ZC3HAV1: variants seen among roughly 807,000 people sequenced by gnomAD.
ZC3HAV1 encodes the protein zinc finger CCCH-type antiviral protein 1.
ZC3HAV1 carries 41 observed loss-of-function variants against 86.6 expected under a neutral mutation model. The ratio of observed to expected loss-of-function variants is 0.47; its 90% CI spans 0.37 to 0.61. The LOEUF (loss-of-function observed/expected upper bound fraction) is 0.61, where lower values mean the gene tolerates loss of function less well. Among genes scored for constraint, ZC3HAV1 ranks in the 20% least tolerant of loss-of-function variants. ZC3HAV1 has a pLI of 0.00. For synonymous variants in ZC3HAV1, 421 were observed against 432.1 expected (o/e 0.97, Z 0.32); for missense variants, 964 against 1,141.1 (o/e 0.84, Z 2.24).
At chr7:139,104,217 C>A (rs1281752045) in intron 1 of ZC3HAV1, among the ~76,000 whole-genome samples, 9 of 151,902 alleles carry the variant, frequency 5.9e-5, no homozygotes, top group African/African-American at 2.2e-4. Flanking sequence ...TCTACCCACC[C>A]CCACCCAAAA....
At chr7:139,081,605 C>T (rs1415312797) in intron 3 of ZC3HAV1, among the ~76,000 whole-genome samples, 2 of 152,134 alleles carry the variant, frequency 1.3e-5, no homozygotes, top group African/African-American at 2.4e-5. Context: ...AAAATGTTAC[C>T]TTTTATTTCT....
Position 139,079,488 on chromosome 7 carries a change from T to C in ZC3HAV1, c.1453A>G (p.Arg485Gly), listed in dbSNP as rs760749474. 6.2e-7 allele frequency: 1 copy of C among 1,614,198 alleles called. No individual in the cohort carries two copies. Among genetic ancestry groups the C allele is most frequent in the South Asian group, 1.1e-5 (1 of 91,084 alleles). The change falls in exon 4 of 13, where the codon AGA becomes GGA. Residue 485 changes from arginine to glycine, a missense_variant. Arg to Gly is a moderately radical substitution (Grantham distance 125). Transcript: ENST00000242351. ...TGRIADDADPRVALVNDSLSD... is the reference protein window; with the variant it reads ...TGRIADDADPGVALVNDSLSD... ...TATTTACCGTTAACAAGTGCTACTC[T>C]TGGGTCAGCATCATCTGCGATTCTG...
At chr7:139,071,873 T>A (rs1816783007) in intron 7 of ZC3HAV1, among the ~76,000 whole-genome samples, 1 of 152,350 alleles carries the variant, frequency 6.6e-6, no homozygotes, top group Middle Eastern at 3.4e-3. Flanking sequence ...GAAACCAATA[T>A]GCTGCTGAAT....
intron 12 of ZC3HAV1, among the ~76,000 whole-genome samples, chr7:139,052,915 T>G (rs562888018): frequency 6.9e-6 from 1 of 144,148 alleles, no homozygotes; most frequent in African/African-American, 2.8e-5. Context: ...AGTGAGACCC[T>G]GTCTCAAAAA....
intron 1 of ZC3HAV1, among the ~76,000 whole-genome samples, chr7:139,105,615 C>T (rs1239876783): frequency 6.6e-6 from 1 of 152,084 alleles, no homozygotes; most frequent in Non-Finnish European, 1.5e-5. Context: ...AAGACAGGAA[C>T]TACAGAATAG....
chr7:139,075,527 G>T (rs1374755351), intron 6 of ZC3HAV1, among the ~76,000 whole-genome samples: 1 of 152,056 alleles, frequency 6.6e-6, no homozygotes. Context: ...CAACTTCTTG[G>T]GCTCCAGTGA....
At chr7:139,101,248 C>T (rs1323120896) in intron 1 of ZC3HAV1, among the ~76,000 whole-genome samples, 1 of 151,666 alleles carries the variant, frequency 6.6e-6, no homozygotes, top group Non-Finnish European at 1.5e-5. Context: ...AGATCGCAGC[C>T]TCTGCCCTGC....
At chr7:139,097,301 G>A (rs1426487764) in intron 1 of ZC3HAV1, among the ~76,000 whole-genome samples, 1 of 147,264 alleles carries the variant, frequency 6.8e-6, no homozygotes, top group Non-Finnish European at 1.5e-5. Context: ...TGATGAAAAT[G>A]CATGTCAAAG....
chr7:139,108,448 G>A lies in ZC3HAV1; in HGVS notation c.308+576C>T, dbSNP rs1015944305. The stretch of plus-strand genomic sequence containing the variant: ...GCTACAACTTCAGGAACCTGGAAAA[G>A]GGCCACCCCTGCTACGCGCCAGGCA... On this transcript the variant is annotated intron_variant, in intron 1 of 12. Transcript: ENST00000242351. The surrounding 1 kb of genome is among the most constrained non-coding windows in gnomAD (Gnocchi z 4.2). 2.0e-5 allele frequency among the ~76,000 whole-genome samples: 3 copies of A among 152,042 alleles called. No homozygotes were observed. Among genetic ancestry groups the A allele is most frequent in the Admixed American group, 2.0e-4 (3 of 15,262 alleles).
chr7:139,068,200 C>T (rs552024954), intron 7 of ZC3HAV1, among the ~76,000 whole-genome samples: 1 of 152,156 alleles, frequency 6.6e-6, no homozygotes, highest in Admixed American at 6.5e-5. Flanking sequence ...GCTGGGATTA[C>T]AGGCATGAGC....
chr7:139,082,119 G>A (rs1202503063), intron 3 of ZC3HAV1, among the ~76,000 whole-genome samples: 1 of 152,010 alleles, frequency 6.6e-6, no homozygotes, highest in East Asian at 1.9e-4. Context: ...ACAAAAATTA[G>A]CTGGGAGTGG....
intron 8 of ZC3HAV1, among the ~76,000 whole-genome samples, chr7:139,062,006 A>G (rs7779972): frequency 0.38 from 58,132 of 152,028 alleles, 12,073 homozygotes; most frequent in East Asian, 0.68. Flanking sequence ...TTAATATCAA[A>G]TTCTAGAACA....
intron 7 of ZC3HAV1, among the ~76,000 whole-genome samples, chr7:139,071,116 T>G (rs2130693332): frequency 6.6e-6 from 1 of 151,672 alleles, no homozygotes; most frequent in Non-Finnish European, 1.5e-5. Flanking sequence ...TTTTTTTTTT[T>G]TTTGGAGTCT....
chr7:139,100,364 T>C (rs928557070), intron 1 of ZC3HAV1, among the ~76,000 whole-genome samples: 13 of 142,670 alleles, frequency 9.1e-5, no homozygotes, highest in African/African-American at 3.5e-4. Flanking sequence ...ACCCTGTCTC[T>C]ACCCAAAATA....
intron 1 of ZC3HAV1, among the ~76,000 whole-genome samples, chr7:139,096,140 G>A (rs955706441): frequency 2.0e-5 from 3 of 152,046 alleles, no homozygotes; most frequent in African/African-American, 7.3e-5. Context: ...TCAGCCTCCC[G>A]AGTAGCTGGA....
chr7:139,080,628 A>G (rs1817101922), intron 3 of ZC3HAV1, among the ~76,000 whole-genome samples: 3 of 152,294 alleles, frequency 2.0e-5, no homozygotes, highest in African/African-American at 7.2e-5. Flanking sequence ...CCTGCACGGC[A>G]GAGCACGTCA....
Position 139,097,681 on chromosome 7 carries a change from G to A in ZC3HAV1, c.309-7922C>T, listed in dbSNP as rs943960263. On this transcript the variant is annotated intron_variant, in intron 1 of 12. Transcript: ENST00000242351. ...GATCTCCTGACCTCGTGATCCGCTC[G>A]CCTCGGCCTCCTAAAGTGCTGGGAT... 1.2e-4 allele frequency among the ~76,000 whole-genome samples: 18 copies of A among 151,458 alleles called. No homozygotes were observed. In the East Asian group the frequency reaches 2.6e-3, roughly 22 times the overall value.
At chr7:139,079,101 T>C in intron 4 of ZC3HAV1, 1 of 1,536,030 alleles carries the variant, frequency 6.5e-7, no homozygotes, top group East Asian at 2.4e-5. Flanking sequence ...TTCAGTGACT[T>C]ACACTGAGCA....
chr7:139,109,337 G>T lies in ZC3HAV1; in HGVS notation c.-6C>A. On this transcript the variant is annotated 5_prime_UTR_variant, in exon 1 of 13. Coordinates refer to ENST00000242351, the MANE Select transcript of ZC3HAV1 (RefSeq NM_020119.4). ...CACACCTCCGGGTCCGCCATGGCGC[G>T]CTGGCTGTGCTGGCTCTGCCGCGGC... The T allele has an allele frequency of 6.4e-7, 1 of 1,560,330 alleles. No homozygotes were observed.
Sources: gnomAD v4.1 joint callset for allele counts (sites outside exome capture counted in the v4.1 genomes callset) on GRCh38, gnomAD v4.1.1 for gene constraint, Gnocchi (gnomAD v3.1) non-coding constraint, MANE v1.5 for transcripts, NCBI Gene and HGNC (gene_info 2026-07-23, HGNC 2026-07-21) for gene names.